The following ABCA4 variants were observed in gnomAD, a reference collection of about 807,000 sequenced individuals.
ABCA4 encodes retinal-specific phospholipid-transporting ATPase ABCA4.
Under a neutral mutation model 263.7 loss-of-function variants are expected in ABCA4, and 196 were observed. The ratio of observed to expected loss-of-function variants is 0.74; its 90% CI spans 0.66 to 0.84. The LOEUF (loss-of-function observed/expected upper bound fraction) is 0.84. Among genes scored for constraint, ABCA4 ranks in the 40% least tolerant of loss-of-function variants. The probability of loss-of-function intolerance (pLI) is 0.00; values close to 1 mark genes in which losing one functional copy is unlikely to be tolerated. For synonymous variants in ABCA4, 1,133 were observed against 1,094.2 expected (o/e 1.04, Z -0.70); for missense variants, 2,792 against 2,855.1 (o/e 0.98, Z 0.50).
At chr1:94,074,286 T>C (rs1661480620) in intron 11 of ABCA4, among the ~76,000 whole-genome samples, 1 of 152,224 alleles carries the variant, frequency 6.6e-6, no homozygotes, top group Non-Finnish European at 1.5e-5. Flanking sequence ...ATTTAATAAA[T>C]GGTGTTGGGA....
chr1:94,083,644 C>T (rs111304761), intron 6 of ABCA4, among the ~76,000 whole-genome samples: 44 of 152,274 alleles, frequency 2.9e-4, no homozygotes, highest in Non-Finnish European at 5.1e-4. Context: ...TCCAAGACTC[C>T]TTGCTGCACT....
chr1:94,026,074 T>C (rs973187894), intron 30 of ABCA4, among the ~76,000 whole-genome samples: 6 of 152,214 alleles, frequency 3.9e-5, no homozygotes, highest in Non-Finnish European at 8.8e-5. Flanking sequence ...TTACTGCAAA[T>C]CTGGGAACAC....
chr1:94,083,002 T>C (rs1661741233), intron 7 of ABCA4, among the ~76,000 whole-genome samples: 2 of 152,220 alleles, frequency 1.3e-5, no homozygotes, highest in South Asian at 4.1e-4. Flanking sequence ...GCAGTATATA[T>C]TTATGTGAAT....
chr1:94,111,598 G>C lies in ABCA4; in HGVS notation c.161-19C>G, dbSNP rs373796884. 26 of 1,613,916 alleles carry C rather than the reference G, an allele frequency of 1.6e-5. No individual in the cohort carries two copies. Among genetic ancestry groups the C allele is most frequent in the African/African-American group, 2.7e-5 (2 of 74,926 alleles). On this transcript the variant is annotated intron_variant, in intron 2 of 49. Coordinates refer to ENST00000370225, the MANE Select transcript of ABCA4 (RefSeq NM_000350.3). Reference sequence around the variant, plus strand: ...AAATGGCCTTTAAAACAGAAAATGAGGACAAGACGGGATTAGTCATGGAGA... The same window carrying C: ...AAATGGCCTTTAAAACAGAAAATGACGACAAGACGGGATTAGTCATGGAGA...
At chr1:94,111,619 G>A in intron 2 of ABCA4, 40 bp from the exon 3 acceptor site, 1 of 1,612,814 alleles carries the variant, frequency 6.2e-7, no homozygotes, top group Non-Finnish European at 8.5e-7. Context: ...GATTAGTCAT[G>A]GAGACCAAGC....
intron 6 of ABCA4, among the ~76,000 whole-genome samples, chr1:94,086,695 A>C (rs775663265): frequency 2.0e-5 from 3 of 152,148 alleles, no homozygotes; most frequent in Non-Finnish European, 4.4e-5. Flanking sequence ...CGAAGACTTT[A>C]ACTTCTTTTT....
chr1:94,011,072 T>C (rs960140771), intron 39 of ABCA4, 143 bp from the exon 40 acceptor site: 2 of 1,539,696 alleles, frequency 1.3e-6, no homozygotes, highest in Admixed American at 3.5e-5. Context: ...CTGCCCTCCA[T>C]CCCTCCTGTG....
chr1:94,084,708 A>C (rs1057207927), intron 6 of ABCA4, among the ~76,000 whole-genome samples: 5 of 152,160 alleles, frequency 3.3e-5, no homozygotes, highest in Non-Finnish European at 7.3e-5. Context: ...TGCTATTGAC[A>C]CCACATCACT....
chr1:94,015,694 C>A lies in ABCA4; in HGVS notation c.5312+45G>T, dbSNP rs61754059. The A allele has an allele frequency of 8.6e-6, 13 of 1,508,680 alleles. No individual in the cohort carries two copies. Among genetic ancestry groups the A allele is most frequent in the African/African-American group, 8.3e-5 (6 of 72,706 alleles). The allele number at this position is 1,508,680 out of a possible 1,614,324, so 93.5% of individuals were successfully genotyped here. A position where few individuals can be genotyped will look rare whatever the true frequency, so the allele number is the denominator to read the frequency against. ...GGAGATGATCCCCCACCCCCACCAC[C>A]AGGCTTCTCTTCAGAGGCATTAGCT... On this transcript the variant is annotated intron_variant, in intron 37 of 49. Transcript: ENST00000370225.
At chr1:94,015,058 C>T (rs911213244) in intron 37 of ABCA4, among the ~76,000 whole-genome samples, 1 of 152,176 alleles carries the variant, frequency 6.6e-6, no homozygotes, top group Non-Finnish European at 1.5e-5. Flanking sequence ...CCAGTGAGCT[C>T]ATCTTCACAG....
chr1:94,051,748 CTACCT>C (rs1487684735), intron 16 of ABCA4, 50 bp from the exon 17 acceptor site: 1 of 1,376,806 alleles, frequency 7.3e-7, no homozygotes, highest in African/African-American at 1.4e-5. Flanking sequence ...TCTCCCTATC[CTACCT>C]TACCGCAGTT....
At chr1:93,999,008 C>T (rs1057076048) in intron 47 of ABCA4, among the ~76,000 whole-genome samples, 3 of 150,898 alleles carry the variant, frequency 2.0e-5, no homozygotes, top group African/African-American at 7.3e-5. Flanking sequence ...GCCTTGGCCT[C>T]CCAAAGTGCT....
intron 7 of ABCA4, among the ~76,000 whole-genome samples, chr1:94,081,864 C>T (rs1388764923): frequency 1.3e-5 from 2 of 152,206 alleles, no homozygotes; most frequent in Non-Finnish European, 2.9e-5. Flanking sequence ...TGCCATTTGG[C>T]TTTGCTTTAG....
At chr1:94,094,200 T>C (rs1662055243) in intron 6 of ABCA4, among the ~76,000 whole-genome samples, 1 of 152,102 alleles carries the variant, frequency 6.6e-6, no homozygotes, top group Admixed American at 6.6e-5. Flanking sequence ...TAGGTGAAGT[T>C]TAACAATCTG....
In ABCA4 at chr1:94,062,987, C is replaced by T. The variant is rs542852588; in HGVS notation, c.1760+125G>A. ...CTCTTTGTTGAGCTTTATAAAATAT[C>T]TTATTTTTTCTTATTTAACTTAATT... On this transcript the variant is annotated intron_variant, in intron 12 of 49. Coordinates refer to ENST00000370225, the MANE Select transcript of ABCA4 (RefSeq NM_000350.3). 2.4e-5 allele frequency: 27 copies of T among 1,111,156 alleles called. No individual in the cohort carries two copies. In the African/African-American group the frequency reaches 3.5e-4, roughly 14 times the overall value. The allele number at this position is 1,111,156 out of a possible 1,614,324, so 68.8% of individuals were successfully genotyped here.
chr1:94,116,582 G>C (rs1264287943), intron 1 of ABCA4, among the ~76,000 whole-genome samples: 1 of 152,088 alleles, frequency 6.6e-6, no homozygotes, highest in Non-Finnish European at 1.5e-5. Flanking sequence ...GGCGGTTGCT[G>C]CATTTCACGC....
intron 19 of ABCA4, among the ~76,000 whole-genome samples, chr1:94,046,444 G>GTA (rs1660679830): frequency 7.7e-6 from 1 of 130,380 alleles, no homozygotes; most frequent in Non-Finnish European, 1.6e-5. Context: ...CATGGGTAAT[G>GTA]GTTACTATCT....
At chr1:94,002,064 T>C in intron 44 of ABCA4, 72 bp from the exon 45 acceptor site, 3 of 1,609,392 alleles carry the variant, frequency 1.9e-6, no homozygotes, top group South Asian at 2.2e-5. Flanking sequence ...TTCAAAGCCT[T>C]GGGCTCCCAG....
chr1:94,013,654 C>A (rs548973828), intron 38 of ABCA4, among the ~76,000 whole-genome samples: 1 of 151,550 alleles, frequency 6.6e-6, no homozygotes, highest in South Asian at 2.1e-4. Context: ...TTCTTTTTTT[C>A]CCCCTCTTTT....
Sources: allele counts gnomAD v4.1 joint callset (sites outside exome capture counted in the v4.1 genomes callset), GRCh38; gene constraint gnomAD v4.1.1; transcripts MANE v1.5; gene names NCBI Gene and HGNC (gene_info 2026-07-23, HGNC 2026-07-21).